Variants in PRDM1 observed in about 807,000 individuals in gnomAD.
The protein encoded by PRDM1 is PR domain zinc finger protein 1.
In PRDM1, 13 loss-of-function variants were observed where a neutral mutation model predicts 62.8. That is an observed-to-expected ratio of 0.21 (90% CI 0.13 to 0.33). The LOEUF (loss-of-function observed/expected upper bound fraction) is 0.33, where lower values mean the gene tolerates loss of function less well. Ranked by LOEUF, PRDM1 falls within the 10% of genes least tolerant of loss-of-function variation. The pLI is 1.00. For synonymous variants in PRDM1, 396 were observed against 417.6 expected (o/e 0.95, Z 0.63); for missense variants, 895 against 1,058.8 (o/e 0.85, Z 2.15).
At chr6:106,090,594 T>G (rs1014028593) in intron 2 of PRDM1, among the ~76,000 whole-genome samples, 3 of 152,220 alleles carry the variant, frequency 2.0e-5, no homozygotes, top group Non-Finnish European at 4.4e-5. Flanking sequence ...AGTTGAGCCA[T>G]TAAGGGTAGG....
At chr6:106,044,182 C>CT (rs201895794), upstream of PRDM1, among the ~76,000 whole-genome samples, 1,129 of 146,442 alleles carry the variant, frequency 7.7e-3, 18 homozygotes, top group African/African-American at 0.027. Flanking sequence ...TTGTTCTTTC[C>CT]TTTTTTTCTT....
At chr6:106,098,516 G>T in intron 3 of PRDM1, 1 of 1,243,426 alleles carries the variant, frequency 8.0e-7, no homozygotes. Context: ...ATGGCTCTGT[G>T]TGTGGTGTTT....
intron 1 of PRDM1, among the ~76,000 whole-genome samples, chr6:106,057,577 T>C (rs557036016): frequency 1.3e-5 from 2 of 152,360 alleles, no homozygotes; most frequent in South Asian, 4.1e-4. Context: ...ACTGGTTTAC[T>C]GCACAATATT....
At chr6:106,042,520 T>A (rs1773014497) in intron 1 of PRDM1, among the ~76,000 whole-genome samples, 1 of 142,502 alleles carries the variant, frequency 7.0e-6, no homozygotes, top group African/African-American at 2.5e-5. Flanking sequence ...GGAGTGAAAC[T>A]CTGTCTCAAA....
rs36077280 is a variant in PRDM1 at position 106,109,091 on chromosome 6, C to CAAAAAAA, written c.*1621_*1627dup. On this transcript the variant is annotated 3_prime_UTR_variant, in exon 7 of 7. Coordinates refer to ENST00000369096, the MANE Select transcript of PRDM1 (RefSeq NM_001198.4). ...GTAAAAGATCTACTTTTTCTAAGGG[C>CAAAAAAA]AAAAAAAAAAAAAAAAAAAAAAGAA... The CAAAAAAA allele has an allele frequency of 1.2e-4, 15 of 121,788 alleles. No homozygotes were observed. The highest frequency in any genetic ancestry group is 1.9e-4 in the Non-Finnish European group (12 of 64,682). 7.5% of individuals were successfully genotyped at this position (121,788 alleles called of 1,614,324 possible). A position where few individuals can be genotyped will look rare whatever the true frequency, so the allele number is the denominator to read the frequency against.
In PRDM1 at chr6:106,107,660, A is replaced by G. The variant is rs542384436; in HGVS notation, c.*174A>G. Reference sequence around the variant, plus strand: ...TCCAAAGTTACTGAAATCTCAGGGCATGAACAAGGCAAAGGCCATATATAT... The same window carrying G: ...TCCAAAGTTACTGAAATCTCAGGGCGTGAACAAGGCAAAGGCCATATATAT... On this transcript the variant is annotated 3_prime_UTR_variant, in exon 7 of 7. Transcript: ENST00000369096. 30 of 404,208 alleles carry G rather than the reference A, an allele frequency of 7.4e-5. No individual in the cohort carries two copies. The East Asian group carries it at 1.1e-3, about 15-fold the overall frequency. 25.0% of individuals were successfully genotyped at this position (404,208 alleles called of 1,614,324 possible). A position where few individuals can be genotyped will look rare whatever the true frequency, so the allele number is the denominator to read the frequency against.
Position 106,104,966 on chromosome 6 carries a change from C to T in PRDM1, c.806C>T (p.Ser269Phe), listed in dbSNP as rs750167641. The change falls in exon 5 of 7, where the codon TCT becomes TTT. Residue 269 changes from serine to phenylalanine, a missense_variant. Physicochemically the swap from Ser to Phe is radical, Grantham distance 155 (BLOSUM62 -2). Transcript: ENST00000369096. ...TCCAAAGGAAAGGACCTCTACCGTT[C>T]TAACATTTCACCCCTCACATCAGAA... ...NPSKGKDLYR[S>F]NISPLTSEKD... 6.2e-7 allele frequency: 1 copy of T among 1,614,138 alleles called. No individual in the cohort carries two copies. The highest frequency in any genetic ancestry group is 1.3e-5 in the African/African-American group (1 of 75,020).
intron 1 of PRDM1, among the ~76,000 whole-genome samples, chr6:106,061,659 T>C (rs1773347458): frequency 6.6e-6 from 1 of 152,220 alleles, no homozygotes; most frequent in Admixed American, 6.5e-5. Context: ...GACATGTGAT[T>C]TCTTATTTGA....
At chr6:106,098,898 G>T (rs945223018) in intron 3 of PRDM1, 1 of 1,509,900 alleles carries the variant, frequency 6.6e-7, no homozygotes. Flanking sequence ...CTTCTACCCA[G>T]TGACTCAAAG....
At chr6:106,085,316 G>A (rs1215679084), upstream of PRDM1, among the ~76,000 whole-genome samples, 1 of 152,214 alleles carries the variant, frequency 6.6e-6, no homozygotes, top group African/African-American at 2.4e-5. Flanking sequence ...AGGAAAAATG[G>A]AAGACCTGGA....
In PRDM1 at chr6:106,021,762, A is replaced by C. The variant is rs188966478; in HGVS notation, c.-67+28123A>C. ...CAGCCTCCCAAGTAGCTGGGATTACAGGCACGCGCCACCACGCCCGGCTAA... is the reference window on the plus strand; with the variant it reads ...CAGCCTCCCAAGTAGCTGGGATTACCGGCACGCGCCACCACGCCCGGCTAA... On this transcript the variant is annotated intron_variant, in intron 1 of 6. Transcript: ENST00000652320. Among the ~76,000 whole-genome samples the C allele has an allele frequency of 1.4e-3, 218 of 152,290 alleles. 1 individual carries two copies. The highest frequency in any genetic ancestry group is 8.3e-3 in the South Asian group (40 of 4,826).
At chr6:106,034,077 T>C (rs1265190861) in intron 1 of PRDM1, among the ~76,000 whole-genome samples, 1 of 152,172 alleles carries the variant, frequency 6.6e-6, no homozygotes, top group Non-Finnish European at 1.5e-5. Context: ...TCATTTTTGT[T>C]TCTGTAGAAT....
At chr6:106,021,917 GC>G (rs1167941428) in intron 1 of PRDM1, among the ~76,000 whole-genome samples, 1 of 152,170 alleles carries the variant, frequency 6.6e-6, no homozygotes, top group Non-Finnish European at 1.5e-5. Context: ...ACCGTGCCCA[GC>G]GTGAAATGTT....
At position 106,105,154 on chromosome 6, in the gene PRDM1, T is replaced by C; in HGVS notation, c.994T>C (p.Ser332Pro). ...TYITRSPIPS[S>P]TTPSPSARSS... ...CATCACTCGCTCCCCCATTCCATCC[T>C]CCACCACTCCAAGCCCCTCTGCAAG... Residue 332 changes from serine (S) to proline (P), a missense_variant, in exon 5 of 7, where the codon TCC becomes CCC. Coordinates refer to ENST00000369096, the MANE Select transcript of PRDM1 (RefSeq NM_001198.4). 1 of 1,612,838 alleles carries C rather than the reference T, an allele frequency of 6.2e-7. No individual in the cohort carries two copies. Among genetic ancestry groups the C allele is most frequent in the Non-Finnish European group, 8.5e-7 (1 of 1,179,518 alleles).
chr6:106,059,220 T>C (rs992209318), intron 1 of PRDM1, among the ~76,000 whole-genome samples: 2 of 152,088 alleles, frequency 1.3e-5, no homozygotes, highest in African/African-American at 4.8e-5. Context: ...AGAGTGATTA[T>C]GATAGTAGAA....
upstream of PRDM1, chr6:106,045,429 T>G (rs1773059290): frequency 6.6e-6 from 1 of 152,254 alleles, no homozygotes; most frequent in Non-Finnish European, 1.5e-5. Context: ...TTCTTCCTGG[T>G]GTCTGGAACT....
chr6:106,000,671 A>C (rs2114541966), intron 1 of PRDM1, among the ~76,000 whole-genome samples: 1 of 152,162 alleles, frequency 6.6e-6, no homozygotes, highest in East Asian at 1.9e-4. Context: ...AAATAGTATC[A>C]TCATACACGT....
At chr6:106,005,200 A>G (rs1449999767) in intron 1 of PRDM1, among the ~76,000 whole-genome samples, 2 of 152,192 alleles carry the variant, frequency 1.3e-5, no homozygotes, top group African/African-American at 4.8e-5. Context: ...ATGTTCAATT[A>G]CCCCATTTTC....
chr6:106,085,572 C>T (rs553168226), upstream of PRDM1, among the ~76,000 whole-genome samples: 15 of 152,272 alleles, frequency 9.9e-5, no homozygotes, highest in East Asian at 1.9e-4. Context: ...AAAAGCTGGC[C>T]GGGGCTCAGA....
Sources: allele counts gnomAD v4.1 joint callset (sites outside exome capture counted in the v4.1 genomes callset), GRCh38; gene constraint gnomAD v4.1.1; transcripts MANE v1.5; gene names NCBI Gene and HGNC (gene_info 2026-07-23, HGNC 2026-07-21).